Variants in UNC13C observed in about 807,000 individuals in gnomAD.
The protein encoded by UNC13C is protein unc-13 homolog C.
In UNC13C, 174 loss-of-function variants were observed where a neutral mutation model predicts 245.4. The ratio of observed to expected loss-of-function variants is 0.71; its 90% confidence interval spans 0.63 to 0.80. UNC13C has a LOEUF of 0.80. UNC13C is among the 30% of genes least tolerant of loss of function. The pLI, the probability that UNC13C is intolerant of heterozygous loss-of-function variation, is 0.00. For synonymous variants in UNC13C, 992 were observed against 895.1 expected, an observed-to-expected ratio of 1.11 and a Z score of -1.93; for missense variants, 2,829 against 2,602.9, an observed-to-expected ratio of 1.09 and a Z score of -1.89.
intron 4 of UNC13C, among the ~76,000 whole-genome samples, chr15:54,168,760 A>C (rs541782311): frequency 6.6e-6 from 1 of 152,320 alleles, no homozygotes; most frequent in East Asian, 1.9e-4. Context: ...TGGAAATAAA[A>C]GTAGAAAAAA....
intron 26 of UNC13C, among the ~76,000 whole-genome samples, chr15:54,544,994 A>G (rs2141172982): frequency 6.6e-6 from 1 of 152,304 alleles, no homozygotes; most frequent in Middle Eastern, 3.4e-3. Context: ...AGCCAAGACA[A>G]TCCTAAGCAA....
chr15:54,064,837 T>A (rs1289489302), intron 2 of UNC13C, among the ~76,000 whole-genome samples: 1 of 152,244 alleles, frequency 6.6e-6, no homozygotes, highest in Non-Finnish European at 1.5e-5. Flanking sequence ...AATTTGCTTT[T>A]ACTGACCATC....
intron 19 of UNC13C, among the ~76,000 whole-genome samples, chr15:54,462,333 G>A (rs918520957): frequency 2.6e-5 from 4 of 152,330 alleles, no homozygotes; most frequent in African/African-American, 4.8e-5. Flanking sequence ...TGCCTCCTTC[G>A]CCTAAGCGTC....
intron 2 of UNC13C, among the ~76,000 whole-genome samples, chr15:54,139,498 C>T (rs2031909196): frequency 6.6e-6 from 1 of 152,110 alleles, no homozygotes; most frequent in Non-Finnish European, 1.5e-5. Flanking sequence ...CCTGTCAAAA[C>T]AGTGTATTGA....
intron 27 of UNC13C, among the ~76,000 whole-genome samples, chr15:54,547,675 T>G (rs1353243895): frequency 6.6e-6 from 1 of 152,182 alleles, no homozygotes; most frequent in Non-Finnish European, 1.5e-5. Flanking sequence ...GCCTGTGTTT[T>G]TGTTGATTTA....
At position 54,013,104 on chromosome 15, in the gene UNC13C, A is replaced by G. The variant is rs114908631; in HGVS notation, c.201A>G (p.Ala67=). 6.3e-4 allele frequency: 1,020 copies of G among 1,613,926 alleles called. 9 individuals carry two copies. The African/African-American group carries it at 0.012, about 19-fold the overall frequency. The stretch of plus-strand genomic sequence containing the variant: ...TTAAAAGCACTGTAAAGAAGATTGC[A>G]AAGTGTTCATCCACTCACAACTTAT... The part of the protein sequence containing the change: ...YTFKSTVKKI[A]KCSSTHNLST... The change falls in exon 2 of 33, where the codon GCA becomes GCG. Residue 67 remains alanine (A), a synonymous_variant. Transcript: ENST00000260323.
chr15:53,944,688 T>G, the UNC13C span, among the ~76,000 whole-genome samples: 1 of 152,238 alleles, frequency 6.6e-6, no homozygotes, highest in Non-Finnish European at 1.5e-5. Flanking sequence ...TTTTGGTTTA[T>G]TCCATGTATT....
At chr15:53,928,771 G>A in the UNC13C span, among the ~76,000 whole-genome samples, 14 of 152,238 alleles carry the variant, frequency 9.2e-5, no homozygotes, top group African/African-American at 3.1e-4. Context: ...ACAGAGTACT[G>A]GGAGCTCTAA....
At chr15:54,170,777 G>A (rs970186673) in intron 4 of UNC13C, among the ~76,000 whole-genome samples, 1 of 152,106 alleles carries the variant, frequency 6.6e-6, no homozygotes, top group Admixed American at 6.6e-5. Context: ...GTATGTTTTG[G>A]CTGTAAAGAC....
chr15:54,547,451 A>G (rs933838512), intron 27 of UNC13C, among the ~76,000 whole-genome samples: 1 of 152,248 alleles, frequency 6.6e-6, no homozygotes, highest in Non-Finnish European at 1.5e-5. Context: ...GAGCCAAACA[A>G]GGGAAAAATA....
intron 1 of UNC13C, among the ~76,000 whole-genome samples, chr15:54,002,523 G>A (rs906538603): frequency 2.8e-4 from 42 of 152,268 alleles, no homozygotes; most frequent in African/African-American, 9.6e-4. Flanking sequence ...TAGGAATATG[G>A]CTCCTTGCCT....
chr15:54,569,285 C>A (rs1029380621), intron 30 of UNC13C, among the ~76,000 whole-genome samples: 1 of 151,870 alleles, frequency 6.6e-6, no homozygotes, highest in East Asian at 1.9e-4. Flanking sequence ...GGACGTCCCA[C>A]GGATAACAAA....
intron 1 of UNC13C, among the ~76,000 whole-genome samples, chr15:53,986,642 A>G (rs899844689): frequency 6.6e-6 from 1 of 152,108 alleles, no homozygotes; most frequent in Non-Finnish European, 1.5e-5. Flanking sequence ...GAAAGTACTT[A>G]TTAAAGTAGT....
At chr15:54,015,930 A>T (rs1156674234) in intron 2 of UNC13C, 44 bp downstream of exon 2, 5 of 1,450,758 alleles carry the variant, frequency 3.4e-6, no homozygotes, top group Non-Finnish European at 4.6e-6. Flanking sequence ...TTGTGTTTTA[A>T]CATTGGGTAG....
At chr15:54,210,362 C>G (rs935063791) in intron 4 of UNC13C, among the ~76,000 whole-genome samples, 2 of 151,446 alleles carry the variant, frequency 1.3e-5, no homozygotes, top group African/African-American at 4.8e-5. Context: ...TTAATGTTCC[C>G]ATATAACAAG....
At chr15:54,404,108 A>T (rs2140934477) in intron 18 of UNC13C, among the ~76,000 whole-genome samples, 1 of 152,320 alleles carries the variant, frequency 6.6e-6, no homozygotes, top group East Asian at 1.9e-4. Context: ...TTATAATGTA[A>T]AAAGGGCACA....
At chr15:53,851,185 T>C in the UNC13C span, among the ~76,000 whole-genome samples, 1 of 152,186 alleles carries the variant, frequency 6.6e-6, no homozygotes, top group Non-Finnish European at 1.5e-5. Flanking sequence ...TAATTGCCTT[T>C]TTTCTGGTTA....
At chr15:54,076,662 C>T (rs981795691) in intron 2 of UNC13C, among the ~76,000 whole-genome samples, 9 of 152,198 alleles carry the variant, frequency 5.9e-5, no homozygotes, top group South Asian at 2.1e-4. Flanking sequence ...CACTTGATAA[C>T]GAGTTGGTTT....
chr15:54,203,897 T>C (rs966416797), intron 4 of UNC13C, among the ~76,000 whole-genome samples: 1 of 113,740 alleles, frequency 8.8e-6, no homozygotes, highest in African/African-American at 2.9e-5. Flanking sequence ...TATATGTATA[T>C]GTGTGTGTAT....
Sources: allele counts gnomAD v4.1 joint callset (sites outside exome capture counted in the v4.1 genomes callset), GRCh38; gene constraint gnomAD v4.1.1; transcripts MANE v1.5; gene names NCBI Gene and HGNC (gene_info 2026-07-23, HGNC 2026-07-21).